The following PDE4B variants were observed in gnomAD, a reference collection of about 807,000 sequenced individuals.
PDE4B encodes phosphodiesterase 4B, also known as 3',5'-cyclic-AMP phosphodiesterase 4B.
In PDE4B, 20 loss-of-function variants were observed where a neutral mutation model predicts 82.2. That is an observed-to-expected ratio of 0.24 (90% confidence interval 0.17 to 0.35). The LOEUF (loss-of-function observed/expected upper bound fraction) is 0.35, where lower values mean the gene tolerates loss of function less well. PDE4B is among the 10% of genes least tolerant of loss of function. The pLI is 1.00. For synonymous variants in PDE4B, 320 were observed against 318.9 expected (o/e 1.00, Z -0.04); for missense variants, 655 against 907.2 (o/e 0.72, Z 3.57).
At chr1:66,228,441 A>G (rs920164198) in intron 3 of PDE4B, among the ~76,000 whole-genome samples, 25 of 151,896 alleles carry the variant, frequency 1.6e-4, no homozygotes, top group Admixed American at 7.9e-4. Flanking sequence ...TGGCTAACAC[A>G]GTGAAACCCC....
intron 7 of PDE4B, among the ~76,000 whole-genome samples, chr1:66,306,481 G>A (rs1373207587): frequency 6.6e-6 from 1 of 152,176 alleles, no homozygotes; most frequent in East Asian, 1.9e-4. Context: ...TAGAAACTCC[G>A]GAGCCTGCCA....
At chr1:66,048,834 C>T (rs1654859380) in intron 3 of PDE4B, 1 of 151,872 alleles carries the variant, frequency 6.6e-6, no homozygotes, top group African/African-American at 2.4e-5. Context: ...GGTCAGAGGA[C>T]ACACAAGAAG....
At chr1:65,980,164 A>G (rs1259551646) in intron 3 of PDE4B, among the ~76,000 whole-genome samples, 1 of 152,190 alleles carries the variant, frequency 6.6e-6, no homozygotes, top group Non-Finnish European at 1.5e-5. Flanking sequence ...ACATCTATAT[A>G]AAATACATTT....
At chr1:65,969,289 A>G (rs1235427682) in intron 3 of PDE4B, among the ~76,000 whole-genome samples, 1 of 152,176 alleles carries the variant, frequency 6.6e-6, no homozygotes, top group African/African-American at 2.4e-5. Context: ...AAGAGCTCTG[A>G]GAGGGTCTCA....
intron 8 of PDE4B, among the ~76,000 whole-genome samples, chr1:66,335,336 G>C (rs1394597080): frequency 6.6e-6 from 1 of 152,228 alleles, no homozygotes; most frequent in Non-Finnish European, 1.5e-5. Flanking sequence ...GTGAAATTGT[G>C]TTATGCTGAG....
At chr1:65,933,566 C>T (rs927997740) in intron 3 of PDE4B, among the ~76,000 whole-genome samples, 6 of 151,866 alleles carry the variant, frequency 4.0e-5, no homozygotes, top group Admixed American at 2.0e-4. Flanking sequence ...TGGTGGCAGG[C>T]GCCTATAATC....
intron 1 of PDE4B, among the ~76,000 whole-genome samples, chr1:65,893,710 A>G (rs1200039567): frequency 3.6e-5 from 4 of 112,370 alleles, no homozygotes; most frequent in Non-Finnish European, 8.2e-5. Context: ...TAACAGGACA[A>G]TTTTCAGTTG....
At chr1:66,326,520 A>G (rs1659762673) in intron 7 of PDE4B, among the ~76,000 whole-genome samples, 1 of 152,144 alleles carries the variant, frequency 6.6e-6, no homozygotes, top group Admixed American at 6.5e-5. Flanking sequence ...TTCCACATTT[A>G]TGTTTATGAT....
chr1:65,838,613 G>GTA (rs1646172015), intron 1 of PDE4B, among the ~76,000 whole-genome samples: 1 of 148,314 alleles, frequency 6.7e-6, no homozygotes, highest in South Asian at 2.1e-4. Flanking sequence ...ATATGTATAT[G>GTA]TGTATATATA....
rs571589943 is a variant in PDE4B, at chr1:65,928,927, A to T, written c.281+10092A>T. 5.3e-5 allele frequency among the ~76,000 whole-genome samples: 8 copies of T among 152,316 alleles called. No homozygotes were observed. In the East Asian group the frequency reaches 1.2e-3, roughly 22 times the overall value. Reference sequence around the variant, plus strand: ...CAGAGTTCCTATGTAGTGGGCCCAAATTAATAAATTCGGCCTGATCCAACT... The same window carrying T: ...CAGAGTTCCTATGTAGTGGGCCCAATTTAATAAATTCGGCCTGATCCAACT... On this transcript the variant is annotated intron_variant, in intron 3 of 16. Coordinates refer to ENST00000341517, the MANE Select transcript of PDE4B (RefSeq NM_002600.4).
At chr1:65,994,245 A>G (rs1432501456) in intron 3 of PDE4B, among the ~76,000 whole-genome samples, 3 of 152,210 alleles carry the variant, frequency 2.0e-5, no homozygotes, top group African/African-American at 4.8e-5. Flanking sequence ...AATCTACTGT[A>G]TAGTGCATTG....
chr1:66,265,180 G>T (rs1207487776), intron 6 of PDE4B, among the ~76,000 whole-genome samples: 1 of 152,148 alleles, frequency 6.6e-6, no homozygotes, highest in African/African-American at 2.4e-5. Context: ...CAACTCTGGG[G>T]GTAGGGCCCA....
At chr1:65,884,291 CT>C (rs959292942) in intron 1 of PDE4B, among the ~76,000 whole-genome samples, 2 of 151,964 alleles carry the variant, frequency 1.3e-5, no homozygotes, top group Non-Finnish European at 2.9e-5. Flanking sequence ...TGGTCTTGGG[CT>C]TTTTTTGGTT....
intron 1 of PDE4B, among the ~76,000 whole-genome samples, chr1:65,877,243 C>T (rs564996356): frequency 6.6e-6 from 1 of 152,244 alleles, no homozygotes; most frequent in African/African-American, 2.4e-5. Flanking sequence ...TCAGAAATAA[C>T]ACCACACATC....
At chr1:65,855,424 T>G (rs1325045291) in intron 1 of PDE4B, among the ~76,000 whole-genome samples, 2 of 152,126 alleles carry the variant, frequency 1.3e-5, no homozygotes, top group African/African-American at 4.8e-5. Context: ...ATAGAATGAG[T>G]CTCGAGTAGC....
In PDE4B at chr1:66,072,371, C is replaced by T. The variant is rs949258186; in HGVS notation, c.281+153536C>T. Among the ~76,000 whole-genome samples the T allele has an allele frequency of 5.3e-5, 8 of 152,212 alleles. No individual in the cohort carries two copies. The South Asian group carries it at 1.5e-3, about 28-fold the overall frequency. ...GGACTTTCCTTCTCTTTTCTTAGTG[C>T]TAACATTTTTCACCCATGTTGCTAA... On this transcript the variant is annotated intron_variant, in intron 3 of 16. Coordinates refer to ENST00000341517, the MANE Select transcript of PDE4B (RefSeq NM_002600.4).
At chr1:66,309,352 T>C (rs192058623) in intron 7 of PDE4B, among the ~76,000 whole-genome samples, 2 of 152,366 alleles carry the variant, frequency 1.3e-5, no homozygotes, top group East Asian at 3.9e-4. Context: ...ATCTCCAAGT[T>C]GCTCAACCTC....
chr1:66,221,343 G>A (rs1330709052), intron 3 of PDE4B, among the ~76,000 whole-genome samples: 2 of 152,052 alleles, frequency 1.3e-5, no homozygotes, highest in Non-Finnish European at 2.9e-5. Context: ...TAGACCCCCT[G>A]ATTATTTATT....
At chr1:66,196,250 C>T (rs1349713530) in intron 3 of PDE4B, among the ~76,000 whole-genome samples, 7 of 152,202 alleles carry the variant, frequency 4.6e-5, no homozygotes, top group Admixed American at 4.6e-4. Flanking sequence ...CCCACCTGTG[C>T]CACAAACTAG....
Sources: allele counts gnomAD v4.1 joint callset (sites outside exome capture counted in the v4.1 genomes callset), GRCh38; gene constraint gnomAD v4.1.1; transcripts MANE v1.5; gene names NCBI Gene and HGNC (gene_info 2026-07-23, HGNC 2026-07-21).